Variants in SLC45A4 observed in about 807,000 individuals in gnomAD.
The protein encoded by SLC45A4 is polyamine-transporter SLC45A4.
SLC45A4 carries 32 observed loss-of-function variants against 63.7 expected under a neutral mutation model. The observed-to-expected ratio is 0.50, with a 90% CI of 0.38 to 0.67. SLC45A4 has a LOEUF of 0.67. SLC45A4 is among the 30% of genes least tolerant of loss of function. The probability of loss-of-function intolerance (pLI) is 0.00; values close to 1 mark genes in which losing one functional copy is unlikely to be tolerated. For missense variants in SLC45A4, 1,027 were observed against 1,157.7 expected, an observed-to-expected ratio of 0.89 and a Z score of 1.64; for synonymous variants, 535 against 510.0, an observed-to-expected ratio of 1.05 and a Z score of -0.66.
chr8:141,224,225 T>A (rs1010186068), intron 2 of SLC45A4: 35 of 152,154 alleles, frequency 2.3e-4, no homozygotes, highest in African/African-American at 8.2e-4. Flanking sequence ...TTCCCATGAG[T>A]GTCCCCTTGT....
intron 2 of SLC45A4, chr8:141,230,370 C>G: frequency 3.0e-6 from 1 of 338,656 alleles, no homozygotes; most frequent in South Asian, 2.3e-5. Flanking sequence ...GAGAGGGAAG[C>G]GGCCGCAAAG....
intron 2 of SLC45A4, among the ~76,000 whole-genome samples, chr8:141,248,177 CAA>C (rs1399400783): frequency 1.3e-5 from 2 of 152,142 alleles, no homozygotes; most frequent in African/African-American, 2.4e-5. Context: ...TCAGGTCAGG[CAA>C]AGAGTTCTTA....
chr8:141,282,520 CCT>C (rs1829993002), intron 1 of SLC45A4, among the ~76,000 whole-genome samples: 2 of 152,242 alleles, frequency 1.3e-5, no homozygotes, highest in South Asian at 4.1e-4. Flanking sequence ...CCATCGCTGC[CCT>C]CTCTCCAGGC....
chr8:141,212,058 C>T (rs947851183), intron 8 of SLC45A4, 139 bp downstream of exon 8: 1 of 1,381,784 alleles, frequency 7.2e-7, no homozygotes, highest in African/African-American at 1.5e-5. Context: ...CGGAGGGGCT[C>T]TGGCCCGCAC....
chr8:141,272,306 C>T (rs1029863170), intron 1 of SLC45A4, among the ~76,000 whole-genome samples: 1 of 152,224 alleles, frequency 6.6e-6, no homozygotes, highest in Admixed American at 6.5e-5. Context: ...AAAATCTGAA[C>T]AGGAGGTGGT....
intron 1 of SLC45A4, among the ~76,000 whole-genome samples, chr8:141,294,741 G>T (rs1007382497): frequency 6.6e-6 from 1 of 152,270 alleles, no homozygotes; most frequent in Non-Finnish European, 1.5e-5. Context: ...CACAAGAGAG[G>T]GGAGCGGCGG....
intron 2 of SLC45A4, among the ~76,000 whole-genome samples, chr8:141,244,152 G>A (rs1048067239): frequency 6.6e-6 from 1 of 152,160 alleles, no homozygotes; most frequent in Non-Finnish European, 1.5e-5. Flanking sequence ...CCTGTCCTGA[G>A]GTCACAGGAG....
Position 141,212,392 on chromosome 8 carries a change from G to T in SLC45A4, c.2106C>A (p.Gly702=), listed in dbSNP as rs1475764087. ...TGGCCGTCAGGAAGCCCAGGAAAGA[G>T]CCCACAGAGGCCACCATGGGGATGA... The part of the protein sequence containing the change: ...VRVIPMVASV[G]SFLGFLTATF... The change falls in exon 8 of 9, where the codon GGC becomes GGA. Residue 702 remains glycine (G), a synonymous_variant. Transcript: ENST00000517878. 6.2e-7 allele frequency: 1 copy of T among 1,613,726 alleles called. No homozygotes were observed. The highest frequency in any genetic ancestry group is 2.2e-5 in the East Asian group (1 of 44,878).
intron 1 of SLC45A4, among the ~76,000 whole-genome samples, chr8:141,274,426 CG>C (rs957234520): frequency 3.3e-5 from 5 of 150,112 alleles, no homozygotes; most frequent in African/African-American, 1.2e-4. Context: ...CCCAGGTACT[CG>C]GGAGGCTGAG....
intron 7 of SLC45A4, among the ~76,000 whole-genome samples, chr8:141,214,378 G>A (rs1290445523): frequency 6.6e-6 from 1 of 152,168 alleles, no homozygotes; most frequent in African/African-American, 2.4e-5. Flanking sequence ...ATTAGACACA[G>A]ATGATGTGGC....
Position 141,215,561 on chromosome 8 carries a change from A to G in SLC45A4, c.1941+198T>C, listed in dbSNP as rs1277366953. Among the ~76,000 whole-genome samples, 1 of 152,064 alleles carries G rather than the reference A, an allele frequency of 6.6e-6. No homozygotes were observed. The highest frequency in any genetic ancestry group is 1.5e-5 in the Non-Finnish European group (1 of 68,000). ...GGGGGGTGGGGGCGGCTGAAGGAGA[A>G]GACCCTTTGTGGCCAGGGACCGATC... On this transcript the variant is annotated intron_variant, in intron 7 of 8. Transcript: ENST00000517878. This position sits in a 1 kb window ranked among gnomAD's most constrained non-coding sequence, Gnocchi z 4.3.
chr8:141,266,629 G>A (rs1009842355), intron 1 of SLC45A4, among the ~76,000 whole-genome samples: 4 of 152,224 alleles, frequency 2.6e-5, no homozygotes, highest in Admixed American at 6.5e-5. Context: ...AAGACGACAA[G>A]CCACAAACGG....
chr8:141,236,814 T>C (rs1217457656), intron 2 of SLC45A4, among the ~76,000 whole-genome samples: 1 of 152,208 alleles, frequency 6.6e-6, no homozygotes, highest in Non-Finnish European at 1.5e-5. Flanking sequence ...TTGAGAACAG[T>C]GCGCCCTTCC....
In SLC45A4 at chr8:141,299,803, T is replaced by C. The variant is rs1366073565; in HGVS notation, c.-401+8293A>G. On this transcript the variant is annotated intron_variant, in intron 1 of 8. Coordinates refer to ENST00000517878, the MANE Select transcript of SLC45A4 (RefSeq NM_001286646.2). ...TCAGCAGCCAAAACGTTTCTCAAAG[T>C]CTTTTAAGAGACTGAAACATTGATT... Among the ~76,000 whole-genome samples, 5 of 152,294 alleles carry C rather than the reference T, an allele frequency of 3.3e-5. No individual in the cohort carries two copies. In the South Asian group the frequency reaches 8.3e-4, roughly 25 times the overall value.
chr8:141,243,638 C>G (rs1313605713), intron 2 of SLC45A4, among the ~76,000 whole-genome samples: 1 of 152,056 alleles, frequency 6.6e-6, no homozygotes, highest in East Asian at 1.9e-4. Context: ...GAGACCCTGT[C>G]TCAAAAATAA....
intron 1 of SLC45A4, among the ~76,000 whole-genome samples, chr8:141,273,402 T>C (rs1829612805): frequency 6.6e-6 from 1 of 152,062 alleles, no homozygotes; most frequent in South Asian, 2.1e-4. Context: ...TTCAGGAAAA[T>C]CAAGCGCCAG....
intron 4 of SLC45A4, among the ~76,000 whole-genome samples, chr8:141,219,446 C>T (rs1361591492): frequency 6.6e-6 from 1 of 152,152 alleles, no homozygotes; most frequent in South Asian, 2.1e-4. Context: ...CCCCTTGAAG[C>T]TCCTCAGTGC....
At chr8:141,240,918 C>G (rs1827878491) in intron 2 of SLC45A4, among the ~76,000 whole-genome samples, 1 of 152,202 alleles carries the variant, frequency 6.6e-6, no homozygotes, top group South Asian at 2.1e-4. Context: ...CCAGACCGTC[C>G]TGTGAGGGCA....
chr8:141,212,335 C>A lies in SLC45A4; in HGVS notation c.2163G>T (p.Glu721Asp). The A allele has an allele frequency of 6.2e-7, 1 of 1,613,376 alleles. No homozygotes were observed. The highest frequency in any genetic ancestry group is 1.1e-5 in the South Asian group (1 of 91,080). Residue 721 changes from glutamate to aspartate, a missense_variant, in exon 8 of 9, where the codon GAG becomes GAT. Physicochemically the swap from Glu to Asp is conservative, Grantham distance 45. Coordinates refer to ENST00000517878, the MANE Select transcript of SLC45A4 (RefSeq NM_001286646.2). ...TFLVIYPNVS[E>D]EAKEEQKGLS... The stretch of plus-strand genomic sequence containing the variant: ...GGCCTTTCTGCTCCTCCTTGGCCTC[C>A]TCTGACACGTTGGGATAGATCACCA...
Sources: allele counts gnomAD v4.1 joint callset (sites outside exome capture counted in the v4.1 genomes callset), GRCh38; gene constraint gnomAD v4.1.1; non-coding constraint Gnocchi (gnomAD v3.1); transcripts MANE v1.5; gene names NCBI Gene and HGNC (gene_info 2026-07-23, HGNC 2026-07-21).